The following EXOC3L1 variants were observed in gnomAD, a reference collection of about 807,000 sequenced individuals.
EXOC3L1 encodes exocyst complex component 3-like protein.
A neutral mutation model predicts 83.6 loss-of-function variants in EXOC3L1; 79 were observed. The ratio of observed to expected loss-of-function variants is 0.95; its 90% CI spans 0.79 to 1.14. The LOEUF (loss-of-function observed/expected upper bound fraction) is 1.14. Among genes scored for constraint, EXOC3L1 ranks in the 50% most tolerant of loss-of-function variants. The pLI is 0.00. For missense variants in EXOC3L1, 945 were observed against 972.0 expected, an observed-to-expected ratio of 0.97 and a Z score of 0.37; for synonymous variants, 433 against 451.2, an observed-to-expected ratio of 0.96 and a Z score of 0.51.
In EXOC3L1 at chr16:67,187,680, G is replaced by A. The variant is rs1597270816; in HGVS notation, c.585C>T (p.Phe195=). The A allele has an allele frequency of 1.2e-6, 2 of 1,612,808 alleles. No homozygotes were observed. The highest frequency in any genetic ancestry group is 1.3e-5 in the African/African-American group (1 of 75,052). Residue 195 remains phenylalanine (F), a synonymous_variant, in exon 5 of 14, where the codon TTC becomes TTT. Coordinates refer to ENST00000314586, the MANE Select transcript of EXOC3L1 (RefSeq NM_178516.4). ...CTTCCACAGCCTGGCCCAGTGCCTC[G>A]AACAGAAGGTCCAGCCCCTGGAAGA... is the stretch of plus-strand genomic sequence containing the variant. ...LPVFQGLDLL[F]EALGQAVEAA...
Position 67,187,603 on chromosome 16 carries a change from A to G in EXOC3L1, c.662T>C (p.Val221Ala), listed in dbSNP as rs770125526. 12 of 1,608,158 alleles carry G rather than the reference A, an allele frequency of 7.5e-6. No individual in the cohort carries two copies. Among genetic ancestry groups the G allele is most frequent in the South Asian group, 5.5e-5 (5 of 90,910 alleles). Residue 221 changes from valine (V) to alanine (A), a missense_variant, in exon 5 of 14, where the codon GTG (valine) becomes GCG (alanine). Val to Ala is a moderately conservative substitution (Grantham distance 64). Transcript: ENST00000314586. ...KLAREDPALL[V>A]AAVRVAEVET... The stretch of plus-strand genomic sequence containing the variant: ...CACCTCCGCCACACGCACAGCAGCC[A>G]CCAACAGGGCTGGGTCCTCCCGTGC...
In EXOC3L1 at chr16:67,187,689, G is replaced by A; in HGVS notation, c.576C>T (p.Asp192=). The change falls in exon 5 of 14, where the codon GAC becomes GAT. Residue 192 remains aspartate, a synonymous_variant. Coordinates refer to ENST00000314586, the MANE Select transcript of EXOC3L1 (RefSeq NM_178516.4). ...GLELPVFQGL[D]LLFEALGQAV... is the part of the protein sequence containing the mutation. ...CCTGGCCCAGTGCCTCGAACAGAAG[G>A]TCCAGCCCCTGGAAGACTGGCAACT... is the stretch of plus-strand genomic sequence containing the variant. 3.1e-6 allele frequency: 5 copies of A among 1,612,990 alleles called. No individual in the cohort carries two copies. The highest frequency in any genetic ancestry group is 4.2e-6 in the Non-Finnish European group (5 of 1,179,988).
Position 67,185,465 on chromosome 16 carries a change from C to G in EXOC3L1, c.1522G>C (p.Asp508His), listed in dbSNP as rs751264822. The G allele has an allele frequency of 2.7e-5, 44 of 1,609,898 alleles. No individual in the cohort carries two copies. Among genetic ancestry groups the G allele is most frequent in the Non-Finnish European group, 3.6e-5 (43 of 1,180,022 alleles). The change falls in exon 10 of 14, where the codon GAC (aspartate) becomes CAC (histidine). Residue 508 changes from aspartate (D) to histidine (H), a missense_variant. Asp to His is a moderately conservative substitution (Grantham distance 81). Coordinates refer to ENST00000314586, the MANE Select transcript of EXOC3L1 (RefSeq NM_178516.4). Reference protein sequence around the residue: ...LSSSVSVLQLDGAPSGALAPV... With the variant: ...LSSSVSVLQLHGAPSGALAPV... ...GCCAAGGCCCCTGAAGGCGCCCCGT[C>G]CAGCTGCAGGACAGACACTGAGGAG...
chr16:67,189,607 C>A, intron 2 of EXOC3L1, 24 bp downstream of exon 2: 1 of 1,613,944 alleles, frequency 6.2e-7, no homozygotes, highest in Non-Finnish European at 8.5e-7. Context: ...CATTCCTCCC[C>A]TAGTCCACCC....
At position 67,187,530 on chromosome 16, in the gene EXOC3L1, ACGC is replaced by A. The variant is rs1283718567; in HGVS notation, c.732_734del (p.Trp244_Arg245delinsCys). On this transcript the variant is annotated inframe_deletion, in exon 5 of 14. Coordinates refer to ENST00000314586, the MANE Select transcript of EXOC3L1 (RefSeq NM_178516.4). Reference sequence around the variant, plus strand: ...CCTGTAGTGCCCTCAGACAGCGCTGACGCCAGTCCCGGGGGACCTGGCCCAGGG... The same window carrying A: ...CCTGTAGTGCCCTCAGACAGCGCTGACAGTCCCGGGGGACCTGGCCCAGGG... The A allele has an allele frequency of 1.2e-6, 2 of 1,602,202 alleles. No individual in the cohort carries two copies. The highest frequency in any genetic ancestry group is 1.7e-6 in the Non-Finnish European group (2 of 1,178,122).
At chr16:67,184,645 C>T (rs2032627840) in intron 13 of EXOC3L1, 41 bp from the exon 14 acceptor site, 1 of 1,581,408 alleles carries the variant, frequency 6.3e-7, no homozygotes. Context: ...CCGTCCTCCC[C>T]GCCCTCCGGC....
rs2032644307 is a variant in EXOC3L1 at position 67,184,887 on chromosome 16, C to T, written c.1905+15G>A. 6.2e-7 allele frequency: 1 copy of T among 1,611,968 alleles called. No homozygotes were observed. The highest frequency in any genetic ancestry group is 8.5e-7 in the Non-Finnish European group (1 of 1,179,848). On this transcript the variant is annotated intron_variant, in intron 12 of 13. Coordinates refer to ENST00000314586, the MANE Select transcript of EXOC3L1 (RefSeq NM_178516.4). ...CTGAGACTCTCGCCCGTCTGCCCGC[C>T]CAAGAAGCTCTCACCAAACTGAGGA... is the stretch of plus-strand genomic sequence containing the variant.
In EXOC3L1 at chr16:67,185,060, G is replaced by C. The variant is rs995337026; in HGVS notation, c.1750-3C>G. The C allele has an allele frequency of 2.5e-6, 4 of 1,610,238 alleles. No individual in the cohort carries two copies. The African/African-American group carries it at 5.3e-5, about 22-fold the overall frequency. On this transcript the variant is annotated splice_polypyrimidine_tract_variant and splice_region_variant and intron_variant, in intron 11 of 13. Transcript: ENST00000314586. Reference sequence around the variant, plus strand: ...CGCTCGGCCTCAGCCAGCAGCAGCTGCGGGGAGGCAATCAGGCGGGTGCAG... The same window carrying C: ...CGCTCGGCCTCAGCCAGCAGCAGCTCCGGGGAGGCAATCAGGCGGGTGCAG...
Position 67,187,783 on chromosome 16 carries a change from T to A in EXOC3L1, c.482A>T (p.Glu161Val). ...QTLIDGQQFL[E>V]AYVSLRELEQ... is the part of the protein sequence containing the mutation. ...CAGCTCCCGAAGGCTCACATATGCCTCCAAGAACTGTTGGCCATCAATCAG... is the reference window on the plus strand; with the variant it reads ...CAGCTCCCGAAGGCTCACATATGCCACCAAGAACTGTTGGCCATCAATCAG... The change falls in exon 5 of 14, where the codon GAG (glutamate) becomes GTG (valine). Residue 161 changes from glutamate to valine, a missense_variant. By Grantham distance (121) the Glu-to-Val change is moderately radical. Coordinates refer to ENST00000314586, the MANE Select transcript of EXOC3L1 (RefSeq NM_178516.4). 1 of 1,611,586 alleles carries A rather than the reference T, an allele frequency of 6.2e-7. No homozygotes were observed.
chr16:67,186,974 A>C, intron 6 of EXOC3L1, 47 bp downstream of exon 6: 2 of 1,612,518 alleles, frequency 1.2e-6, no homozygotes, highest in Non-Finnish European at 1.7e-6. Context: ...ATAAAGGCCC[A>C]CAGCAGATAA....
Position 67,187,244 on chromosome 16 carries a change from C to T in EXOC3L1, c.1021G>A (p.Ala341Thr). 2 of 1,611,920 alleles carry T rather than the reference C, an allele frequency of 1.2e-6. No homozygotes were observed. The highest frequency in any genetic ancestry group is 1.7e-6 in the Non-Finnish European group (2 of 1,179,078). ...AADAFALLHW[A>T]LHVYLGQEMM... The stretch of plus-strand genomic sequence containing the variant: ...ACTGACCCCAGGTACACATGCAGTG[C>T]CCAGTGCAGCAAGGCGAAGGCATCC... Residue 341 changes from alanine (A) to threonine (T), a missense_variant, in exon 5 of 14, where the codon GCA (alanine) becomes ACA (threonine). Coordinates refer to ENST00000314586, the MANE Select transcript of EXOC3L1 (RefSeq NM_178516.4).
intron 1 of EXOC3L1, 94 bp from the exon 2 acceptor site, chr16:67,189,777 G>A (rs2032832655): frequency 3.8e-5 from 49 of 1,288,560 alleles, no homozygotes; most frequent in Non-Finnish European, 5.1e-5. Context: ...TCTGAGAGGA[G>A]GAAGGAGGTT....
chr16:67,188,832 AC>A lies in EXOC3L1; in HGVS notation c.315del (p.Leu106CysfsTer12). Reference protein sequence around the residue: ...GTREALSQARGLLQGMSQALQ... With the variant: ...GTREALSQARXLLQGMSQALQ... ...AAGGCCTGGGACATGCCCTGGAGCA[AC>A]CCACGGGCCTGGCTCAGGGCCTCCC... On this transcript the variant is annotated frameshift_variant, in exon 4 of 14. Transcript: ENST00000314586. LOFTEE classifies it high-confidence loss of function. 1 of 1,613,250 alleles carries A rather than the reference AC, an allele frequency of 6.2e-7. No homozygotes were observed. Among genetic ancestry groups the A allele is most frequent in the Non-Finnish European group, 8.5e-7 (1 of 1,180,002 alleles).
chr16:67,186,751 C>T lies in EXOC3L1; in HGVS notation c.1284+8G>A. On this transcript the variant is annotated splice_region_variant and intron_variant, in intron 7 of 13. Coordinates refer to ENST00000314586, the MANE Select transcript of EXOC3L1 (RefSeq NM_178516.4). ...GGCTGCCTGCCTGTCTGGCCACTTC[C>T]CACCTACCTGCAGCACAATGGCTGG... 1 of 1,613,854 alleles carries T rather than the reference C, an allele frequency of 6.2e-7. No homozygotes were observed.
In EXOC3L1 at chr16:67,188,915, C is replaced by T. The variant is rs376740054; in HGVS notation, c.233G>A (p.Gly78Asp). The change falls in exon 4 of 14, where the codon GGC becomes GAC. Residue 78 changes from glycine (G) to aspartate (D), a missense_variant. By Grantham distance (94) the Gly-to-Asp change is moderately conservative. Transcript: ENST00000314586. ...LKSVMQSYLE[G>D]VQTGVWQLAQ... ...CAGCTGCCACACACCAGTCTGCACG[C>T]CTTCCAGGTATGACTGCATCACTGA... 13 of 1,613,020 alleles carry T rather than the reference C, an allele frequency of 8.1e-6. No individual in the cohort carries two copies. The highest frequency in any genetic ancestry group is 1.1e-5 in the South Asian group (1 of 91,080).
In EXOC3L1 at chr16:67,187,586, C is replaced by A. The variant is rs2145988878; in HGVS notation, c.679G>T (p.Ala227Ser). 6.2e-7 allele frequency: 1 copy of A among 1,606,604 alleles called. No homozygotes were observed. The highest frequency in any genetic ancestry group is 1.3e-5 in the African/African-American group (1 of 75,050). Residue 227 changes from alanine to serine, a missense_variant, in exon 5 of 14, where the codon GCG (alanine) becomes TCG (serine). Physicochemically the swap from Ala to Ser is moderately conservative, Grantham distance 99 (BLOSUM62 1). Transcript: ENST00000314586. ...PALLVAAVRV[A>S]EVETGRTTPL... is the part of the protein sequence containing the mutation. ...GTTGTTCGTCCAGTCTCCACCTCCG[C>A]CACACGCACAGCAGCCACCAACAGG...
rs762132461 is a variant in EXOC3L1 at position 67,185,052 on chromosome 16, C to T, written c.1755G>A (p.Leu585=). Residue 585 remains leucine, a synonymous_variant, in exon 12 of 14, where the codon CTG becomes CTA. Transcript: ENST00000314586. The part of the protein sequence containing the change: ...WRVRNPTVQL[L]LAEAERAVVL... ...CCACGGCACGCTCGGCCTCAGCCAG[C>T]AGCAGCTGCGGGGAGGCAATCAGGC... 23 of 1,609,552 alleles carry T rather than the reference C, an allele frequency of 1.4e-5. No individual in the cohort carries two copies. Among genetic ancestry groups the T allele is most frequent in the Middle Eastern group, 1.6e-4 (1 of 6,078 alleles).
In EXOC3L1 at chr16:67,187,518, C is replaced by T. The variant is rs768547176; in HGVS notation, c.747G>A (p.Leu249=). Residue 249 remains leucine, a synonymous_variant, in exon 5 of 14, where the codon CTG becomes CTA. Transcript: ENST00000314586. ...GCTCCAGGCCCTCCTGTAGTGCCCTCAGACAGCGCTGACGCCAGTCCCGGG... is the reference window on the plus strand; with the variant it reads ...GCTCCAGGCCCTCCTGTAGTGCCCTTAGACAGCGCTGACGCCAGTCCCGGG... ...QVPRDWRQRC[L]RALQEGLEQA... is the part of the protein sequence containing the mutation. The T allele has an allele frequency of 1.0e-5, 16 of 1,602,830 alleles. No individual in the cohort carries two copies. The South Asian group carries it at 1.5e-4, about 15-fold the overall frequency.
chr16:67,187,229 G>A lies in EXOC3L1; in HGVS notation c.1036C>T (p.Leu346=). ...ALLHWALHVY[L]GQEMMGSLEL... is the part of the protein sequence containing the mutation. ...CGCTGCCCCAAAGGCACTGACCCCA[G>A]GTACACATGCAGTGCCCAGTGCAGC... Residue 346 remains leucine, a synonymous_variant, in exon 5 of 14, where the codon CTG becomes TTG. Coordinates refer to ENST00000314586, the MANE Select transcript of EXOC3L1 (RefSeq NM_178516.4). 2 of 1,610,252 alleles carry A rather than the reference G, an allele frequency of 1.2e-6. No homozygotes were observed. The highest frequency in any genetic ancestry group is 1.7e-6 in the Non-Finnish European group (2 of 1,177,700).
Sources: gnomAD v4.1 joint callset for allele counts on GRCh38, gnomAD v4.1.1 for gene constraint, MANE v1.5 for transcripts, NCBI Gene and HGNC (gene_info 2026-07-23, HGNC 2026-07-21) for gene names.